The following DZIP1 variants were observed in gnomAD, a reference collection of about 807,000 sequenced individuals.
DZIP1 encodes DAZ interacting zinc finger protein 1.
Under a neutral mutation model 107.6 loss-of-function variants are expected in DZIP1, and 97 were observed. The observed-to-expected ratio is 0.90, with a 90% CI of 0.77 to 1.07. The LOEUF (loss-of-function observed/expected upper bound fraction) is 1.07, where lower values mean the gene tolerates loss of function less well. Among genes scored for constraint, DZIP1 ranks in the 50% least tolerant of loss-of-function variants. DZIP1 has a pLI of 0.00. For missense variants in DZIP1, 1,035 were observed against 1,063.6 expected, an observed-to-expected ratio of 0.97 and a Z score of 0.37; for synonymous variants, 390 against 386.4, an observed-to-expected ratio of 1.01 and a Z score of -0.11.
At chr13:95,642,897 A>G (rs909842265) in intron 3 of DZIP1, 146 bp downstream of exon 3, 5 of 152,238 alleles carry the variant, frequency 3.3e-5, no homozygotes, top group Admixed American at 6.5e-5. Flanking sequence ...TGATAAAAGT[A>G]CGAACCAAAG....
chr13:95,642,089 G>GCC lies in DZIP1; in HGVS notation c.-62_-61dup, dbSNP rs1282536862. 1 of 1,455,140 alleles carries GCC rather than the reference G, an allele frequency of 6.9e-7. No homozygotes were observed. The highest frequency in any genetic ancestry group is 9.0e-7 in the Non-Finnish European group (1 of 1,112,794). The allele number at this position is 1,455,140 out of a possible 1,614,324, so 90.1% of individuals were successfully genotyped here. ...CGCCTCCCGGGCCGCCGCCGCCACA[G>GCC]CCCTCAGGAGCGGGAGAAGGCCGGG... On this transcript the variant is annotated 5_prime_UTR_variant, in exon 4 of 23. Transcript: ENST00000376829.
chr13:95,586,312 T>TA (rs1184290205), intron 20 of DZIP1, among the ~76,000 whole-genome samples, 176 bp from the exon 21 acceptor site: 7 of 152,222 alleles, frequency 4.6e-5, no homozygotes, highest in African/African-American at 1.7e-4. Context: ...ACACAATCCT[T>TA]AAAAAAATCA....
intron 7 of DZIP1, among the ~76,000 whole-genome samples, chr13:95,628,518 T>C (rs1400234931): frequency 6.6e-6 from 1 of 152,184 alleles, no homozygotes; most frequent in East Asian, 1.9e-4. Flanking sequence ...ATATTGTGAA[T>C]ACACTAAACG....
intron 16 of DZIP1, 76 bp from the exon 17 acceptor site, chr13:95,590,517 TGCC>T (rs1356178011): frequency 7.0e-7 from 1 of 1,423,718 alleles, no homozygotes; most frequent in African/African-American, 1.4e-5. Context: ...GCATTAACTG[TGCC>T]AACATTTCAA....
intron 10 of DZIP1, 78 bp from the exon 11 acceptor site, chr13:95,612,255 T>G: frequency 6.7e-7 from 1 of 1,494,400 alleles, no homozygotes; most frequent in Non-Finnish European, 9.0e-7. Context: ...CAGGTATACA[T>G]GCTCTGCCTG....
At chr13:95,640,665 A>G (rs917200994) in intron 5 of DZIP1, among the ~76,000 whole-genome samples, 5 of 152,380 alleles carry the variant, frequency 3.3e-5, no homozygotes, top group South Asian at 4.1e-4. Context: ...TAAGACCAGA[A>G]GATAAAAATA....
At position 95,641,227 on chromosome 13, in the gene DZIP1, A is replaced by G; in HGVS notation, c.597+68T>C. ...TAAGAAGAAAGAGTGGTGATACGGGACAGGCCTATCAAATGGGAACTGAGT... is the reference window on the plus strand; with the variant it reads ...TAAGAAGAAAGAGTGGTGATACGGGGCAGGCCTATCAAATGGGAACTGAGT... On this transcript the variant is annotated intron_variant, in intron 5 of 22. Transcript: ENST00000376829. This position sits in a 1 kb window ranked among gnomAD's most constrained non-coding sequence, Gnocchi z 4.3. 6.6e-7 allele frequency: 1 copy of G among 1,512,430 alleles called. No homozygotes were observed. The highest frequency in any genetic ancestry group is 8.9e-7 in the Non-Finnish European group (1 of 1,126,762). 93.7% of individuals were successfully genotyped at this position (1,512,430 alleles called of 1,614,324 possible).
intron 15 of DZIP1, among the ~76,000 whole-genome samples, chr13:95,594,667 GT>G (rs2044396324): frequency 6.6e-6 from 1 of 151,750 alleles, no homozygotes; most frequent in African/African-American, 2.4e-5. Flanking sequence ...TTTTTTCAAA[GT>G]TTTTTAGTTA....
At chr13:95,587,991 C>T (rs1480145635) in intron 19 of DZIP1, 2 of 380,206 alleles carry the variant, frequency 5.3e-6, no homozygotes, top group East Asian at 8.5e-5. Flanking sequence ...CTCCTCTAAA[C>T]CCAAATGTGT....
rs535275859 is a variant in DZIP1 at position 95,636,209 on chromosome 13, A to AG, written c.598-2889_598-2888insC. On this transcript the variant is annotated intron_variant, in intron 5 of 22. Transcript: ENST00000376829. ...AAAGATAAAATACAAAAAAAAAAAA[A>AG]AGATCTGAAACATCATTGCAGAACA... Among the ~76,000 whole-genome samples the AG allele has an allele frequency of 2.0e-5, 3 of 151,980 alleles. No individual in the cohort carries two copies. The South Asian group carries it at 6.2e-4, about 32-fold the overall frequency.
chr13:95,592,303 A>C (rs534423559), intron 16 of DZIP1, among the ~76,000 whole-genome samples: 2 of 152,320 alleles, frequency 1.3e-5, no homozygotes, highest in South Asian at 4.1e-4. Flanking sequence ...GATAAATGAA[A>C]ATGTCCCAAT....
At chr13:95,586,978 T>C (rs2044176769) in intron 20 of DZIP1, among the ~76,000 whole-genome samples, 1 of 152,206 alleles carries the variant, frequency 6.6e-6, no homozygotes, top group African/African-American at 2.4e-5. Context: ...TCCCTCTAAA[T>C]TCACATGTTG....
Position 95,633,270 on chromosome 13 carries a change from T to A in DZIP1, c.649A>T (p.Ile217Phe), listed in dbSNP as rs1411557589. ...TTTTCTTCAGTGTGGCGGCGTTGAA[T>A]GTGACTTTGTAGAAAAGCTTGGTTC... ...FMNQAFLQSH[I>F]QRRHTEENSH... The change falls in exon 6 of 23, where the codon ATT becomes TTT. Residue 217 changes from isoleucine to phenylalanine, a missense_variant. Physicochemically the swap from Ile to Phe is conservative, Grantham distance 21. Coordinates refer to ENST00000376829, the MANE Select transcript of DZIP1 (RefSeq NM_198968.4). 2.5e-6 allele frequency: 4 copies of A among 1,614,082 alleles called. No individual in the cohort carries two copies. The highest frequency in any genetic ancestry group is 1.3e-5 in the African/African-American group (1 of 74,938).
intron 5 of DZIP1, among the ~76,000 whole-genome samples, chr13:95,639,864 T>C (rs551133858): frequency 6.6e-6 from 1 of 152,260 alleles, no homozygotes; most frequent in South Asian, 2.1e-4. Context: ...AAGCAGCATT[T>C]ATAAAACAAA....
chr13:95,592,193 G>T (rs914645762), intron 16 of DZIP1, among the ~76,000 whole-genome samples: 1 of 151,934 alleles, frequency 6.6e-6, no homozygotes, highest in African/African-American at 2.4e-5. Context: ...AACTCTTAAA[G>T]CCCAGATAGA....
intron 9 of DZIP1, among the ~76,000 whole-genome samples, chr13:95,620,229 T>C (rs1227092369): frequency 1.3e-5 from 2 of 152,160 alleles, no homozygotes; most frequent in African/African-American, 2.4e-5. Context: ...AGCACTTCCC[T>C]CTTCACTCTT....
intron 6 of DZIP1, among the ~76,000 whole-genome samples, chr13:95,631,766 A>G (rs1459506839): frequency 6.6e-6 from 1 of 152,104 alleles, no homozygotes; most frequent in East Asian, 1.9e-4. Flanking sequence ...ATGAAGCCTC[A>G]TGTCTCTGCT....
intron 11 of DZIP1, 57 bp from the exon 12 acceptor site, chr13:95,611,550 A>T: frequency 7.8e-7 from 1 of 1,288,566 alleles, no homozygotes; most frequent in Non-Finnish European, 1.1e-6. Flanking sequence ...GGACACACAC[A>T]TGGGATAATG....
At chr13:95,640,102 C>G (rs1878320139) in intron 5 of DZIP1, among the ~76,000 whole-genome samples, 1 of 151,874 alleles carries the variant, frequency 6.6e-6, no homozygotes, top group Admixed American at 6.6e-5. Context: ...AAGCGATTCT[C>G]CTGCCTCAGC....
Sources: gnomAD v4.1 joint callset for allele counts (sites outside exome capture counted in the v4.1 genomes callset) on GRCh38, gnomAD v4.1.1 for gene constraint, Gnocchi (gnomAD v3.1) non-coding constraint, MANE v1.5 for transcripts, NCBI Gene and HGNC (gene_info 2026-07-23, HGNC 2026-07-21) for gene names.